BNIPL: variants seen among roughly 807,000 people sequenced by gnomAD.
BNIPL encodes bcl-2/adenovirus E1B 19 kDa-interacting protein 2-like protein.
A neutral mutation model predicts 47.0 loss-of-function variants in BNIPL; 33 were observed. The observed-to-expected ratio is 0.70, with a 90% CI of 0.53 to 0.94. The LOEUF is 0.94. BNIPL is among the 40% of genes least tolerant of loss of function. The probability of loss-of-function intolerance (pLI) is 0.00; values close to 1 mark genes in which losing one functional copy is unlikely to be tolerated. For synonymous variants in BNIPL, 145 were observed against 162.7 expected, an observed-to-expected ratio of 0.89 and a Z score of 0.83; for missense variants, 404 against 445.2, an observed-to-expected ratio of 0.91 and a Z score of 0.83.
At chr1:151,044,127 G>A (rs1267775011) in intron 7 of BNIPL, among the ~76,000 whole-genome samples, 1 of 152,108 alleles carries the variant, frequency 6.6e-6, no homozygotes, top group Non-Finnish European at 1.5e-5. Context: ...TGGGACTACA[G>A]GCATGGGCCA....
Position 151,047,700 on chromosome 1 carries a change from CGAGCGCGCCT to C in BNIPL, c.*1015_*1024del. The C allele has an allele frequency of 7.4e-7, 1 of 1,349,190 alleles. No homozygotes were observed. The highest frequency in any genetic ancestry group is 9.7e-7 in the Non-Finnish European group (1 of 1,034,780). The allele number at this position is 1,349,190 out of a possible 1,614,324, so 83.6% of individuals were successfully genotyped here. A position where few individuals can be genotyped will look rare whatever the true frequency, so the allele number is the denominator to read the frequency against. ...TTAGGAGCACCCCGCGCGGCCCGCG[CGAGCGCGCCT>C]GCGCGTCGAACCCCACCCCCTTCCC... On this transcript the variant is annotated 3_prime_UTR_variant, in exon 10 of 10. Transcript: ENST00000368931.
chr1:151,038,000 CAAAAAAA>C (rs58423611), intron 2 of BNIPL, among the ~76,000 whole-genome samples: 21 of 63,946 alleles, frequency 3.3e-4, no homozygotes, highest in Admixed American at 2.0e-4. Context: ...AACTCTGTCT[CAAAAAAA>C]AAAAAAAAAA....
chr1:151,040,471 G>A (rs1226932073), intron 4 of BNIPL, among the ~76,000 whole-genome samples: 1 of 151,950 alleles, frequency 6.6e-6, no homozygotes, highest in Non-Finnish European at 1.5e-5. Flanking sequence ...ATGAGCCACT[G>A]TACTCGGCTA....
chr1:151,046,531 G>C (rs1345368135), intron 9 of BNIPL, 120 bp from the exon 10 acceptor site: 16 of 919,488 alleles, frequency 1.7e-5, no homozygotes, highest in Non-Finnish European at 2.6e-5. Context: ...AGTGCTAAAT[G>C]ATGACTCAAC....
At position 151,046,653 on chromosome 1, in the gene BNIPL, TGGACC is replaced by T; in HGVS notation, c.1043_1047del (p.Asp348GlyfsTer21). The stretch of plus-strand genomic sequence containing the variant: ...TCCTCCCCCTCTCCCTCTCCTAGGC[TGGACC>T]GGGATCTCCATGGCTCAGGAGGGAC... On this transcript the variant is annotated frameshift_variant, in exon 10 of 10. Coordinates refer to ENST00000368931, the MANE Select transcript of BNIPL (RefSeq NM_138278.4). LOFTEE classifies it high-confidence loss of function. The T allele has an allele frequency of 1.2e-6, 2 of 1,602,966 alleles. No homozygotes were observed. The highest frequency in any genetic ancestry group is 1.7e-6 in the Non-Finnish European group (2 of 1,173,558).
In BNIPL at chr1:151,046,718, G is replaced by C; in HGVS notation, c.*31G>C. ...GACTGGATAAAAGGCCTTAGAACCA[G>C]TTAGTGATCTGCCTACACCTGAATC... On this transcript the variant is annotated 3_prime_UTR_variant, in exon 10 of 10. Transcript: ENST00000368931. 2.6e-6 allele frequency: 4 copies of C among 1,538,008 alleles called. No individual in the cohort carries two copies. The highest frequency in any genetic ancestry group is 3.6e-6 in the Non-Finnish European group (4 of 1,114,306).
At chr1:151,038,372 T>C in intron 2 of BNIPL, 132 bp from the exon 3 acceptor site, 1 of 721,216 alleles carries the variant, frequency 1.4e-6, no homozygotes, top group Non-Finnish European at 2.4e-6. Flanking sequence ...AGACCCTGTC[T>C]CAAAAAAACA....
In BNIPL at chr1:151,043,112, C is replaced by A. The variant is rs768728423; in HGVS notation, c.590C>A (p.Pro197His). The change falls in exon 5 of 10, where the codon CCC becomes CAC. Residue 197 changes from proline to histidine, a missense_variant. Coordinates refer to ENST00000368931, the MANE Select transcript of BNIPL (RefSeq NM_138278.4). The part of the protein sequence containing the change: ...EQRVDMTVIE[P>H]YKKVLSHGGY... ...CGCGTAGACATGACTGTCATTGAGC[C>A]CTATAAGAAAGTCCTGTCTCATGGA... is the stretch of plus-strand genomic sequence containing the variant. The A allele has an allele frequency of 6.2e-7, 1 of 1,613,248 alleles. No homozygotes were observed. Among genetic ancestry groups the A allele is most frequent in the Non-Finnish European group, 8.5e-7 (1 of 1,179,734 alleles).
At chr1:151,040,859 G>A (rs1423972583) in intron 4 of BNIPL, among the ~76,000 whole-genome samples, 1 of 151,140 alleles carries the variant, frequency 6.6e-6, no homozygotes, top group Non-Finnish European at 1.5e-5. Flanking sequence ...ATGCAGAATG[G>A]TGGGTATAAT....
chr1:151,045,896 G>C lies in BNIPL; in HGVS notation c.938+13G>C. On this transcript the variant is annotated intron_variant, in intron 8 of 9. Transcript: ENST00000368931. ...GGCCCTTCATCAGGTACTAGTTCTA[G>C]GAACAAGGACTCCTTTCTCCTTCCC... 1 of 1,614,060 alleles carries C rather than the reference G, an allele frequency of 6.2e-7. No homozygotes were observed. Among genetic ancestry groups the C allele is most frequent in the Middle Eastern group, 1.6e-4 (1 of 6,062 alleles).
chr1:151,037,443 C>T, intron 1 of BNIPL, 124 bp from the exon 2 acceptor site: 2 of 1,443,464 alleles, frequency 1.4e-6, no homozygotes, highest in Non-Finnish European at 1.8e-6. Context: ...GTATAGGAGG[C>T]AAGAGATCTG....
At chr1:151,039,149 A>G (rs1027760135) in intron 4 of BNIPL, 123 bp downstream of exon 4, 4 of 1,320,012 alleles carry the variant, frequency 3.0e-6, no homozygotes, top group Non-Finnish European at 3.9e-6. Flanking sequence ...GGCCAGCAAA[A>G]TTAGTTTCCT....
At chr1:151,041,154 C>T (rs1416198377) in intron 4 of BNIPL, among the ~76,000 whole-genome samples, 4 of 151,946 alleles carry the variant, frequency 2.6e-5, no homozygotes, top group Non-Finnish European at 4.4e-5. Flanking sequence ...CACTCCACTC[C>T]AGCCTGGAAG....
In BNIPL at chr1:151,046,777, T is replaced by TTTCATG; in HGVS notation, c.*90_*91insTTCATG. On this transcript the variant is annotated 3_prime_UTR_variant, in exon 10 of 10. Coordinates refer to ENST00000368931, the MANE Select transcript of BNIPL (RefSeq NM_138278.4). ...ATCTGAACTGTTTTGTAAATCATCTTATCCCCAACCTCAGTACCACCGGAT... is the reference window on the plus strand; with the variant it reads ...ATCTGAACTGTTTTGTAAATCATCTTTTCATGATCCCCAACCTCAGTACCACCGGAT... 8.8e-7 allele frequency: 1 copy of TTTCATG among 1,138,518 alleles called. No homozygotes were observed. Among genetic ancestry groups the TTTCATG allele is most frequent in the Non-Finnish European group, 1.3e-6 (1 of 781,436 alleles). 70.5% of individuals were successfully genotyped at this position (1,138,518 alleles called of 1,614,324 possible).
intron 1 of BNIPL, 70 bp from the exon 2 acceptor site, chr1:151,037,497 G>A: frequency 6.5e-7 from 1 of 1,536,528 alleles, no homozygotes; most frequent in East Asian, 2.5e-5. Flanking sequence ...CTCAATTACT[G>A]TTCTTCATTT....
intron 4 of BNIPL, 130 bp from the exon 5 acceptor site, chr1:151,042,826 A>AT: frequency 1.2e-6 from 1 of 832,124 alleles, no homozygotes; most frequent in Non-Finnish European, 1.8e-6. Context: ...AAAAAAGGAA[A>AT]AAAAAAAAGA....
chr1:151,037,142 T>C (rs1019665481), intron 1 of BNIPL, among the ~76,000 whole-genome samples: 4 of 152,256 alleles, frequency 2.6e-5, no homozygotes, highest in African/African-American at 9.6e-5. Flanking sequence ...CTTACCTTCT[T>C]CCTCCACCCC....
At chr1:151,038,236 T>A (rs1443832718) in intron 2 of BNIPL, among the ~76,000 whole-genome samples, 3 of 151,776 alleles carry the variant, frequency 2.0e-5, no homozygotes, top group Non-Finnish European at 4.4e-5. Flanking sequence ...TAGCCAAGTG[T>A]GGTGGTGCAC....
chr1:151,045,044 C>T (rs1675960913), intron 7 of BNIPL: 3 of 1,023,144 alleles, frequency 2.9e-6, no homozygotes, highest in Non-Finnish European at 3.8e-6. Flanking sequence ...GTGGGCGGAT[C>T]ACAAGGTCAG....
Sources: allele counts gnomAD v4.1 joint callset (sites outside exome capture counted in the v4.1 genomes callset), GRCh38; gene constraint gnomAD v4.1.1; transcripts MANE v1.5; gene names NCBI Gene and HGNC (gene_info 2026-07-23, HGNC 2026-07-21).